YY1AP1: variants seen among roughly 807,000 people sequenced by gnomAD.
YY1AP1 encodes YY1 associated protein 1.
YY1AP1 carries 43 observed loss-of-function variants against 39.9 expected under a neutral mutation model. That is an observed-to-expected ratio of 1.08 (90% CI 0.84 to 1.39). The LOEUF (loss-of-function observed/expected upper bound fraction) is 1.39, where lower values mean the gene tolerates loss of function less well. YY1AP1 is among the 40% of genes most tolerant of loss of function. The pLI, the probability that YY1AP1 is intolerant of heterozygous loss-of-function variation, is 0.00. For missense variants in YY1AP1, 813 were observed against 900.7 expected (o/e 0.90, Z 1.25); for synonymous variants, 292 against 331.3 (o/e 0.88, Z 1.29).
intron 1 of YY1AP1, 171 bp from the exon 2 acceptor site, chr1:155,688,372 G>T: frequency 6.5e-7 from 1 of 1,543,336 alleles, no homozygotes; most frequent in Non-Finnish European, 8.8e-7. Flanking sequence ...CCAGAGGGAG[G>T]GAGCTAAGGG....
At chr1:155,688,303 C>T (rs767191256) in intron 1 of YY1AP1, 102 bp from the exon 2 acceptor site, 27 of 1,566,314 alleles carry the variant, frequency 1.7e-5, no homozygotes, top group Non-Finnish European at 2.2e-5. Context: ...TTTCCCCTCG[C>T]AAAGCGAACC....
In YY1AP1 at chr1:155,688,100, C is replaced by T; in HGVS notation, c.-50G>A. 1.2e-6 allele frequency: 2 copies of T among 1,607,548 alleles called. No homozygotes were observed. Among genetic ancestry groups the T allele is most frequent in the South Asian group, 2.2e-5 (2 of 90,204 alleles). ...TCGGAGGCCGAGAGCGATGAGAGTA[C>T]AGGGAAGTGAGGAAGAGGGGGTGGC... On this transcript the variant is annotated 5_prime_UTR_variant, in exon 2 of 11. Transcript: ENST00000355499.
intron 1 of YY1AP1, chr1:155,688,436 G>A (rs111741196): frequency 3.5e-5 from 54 of 1,545,638 alleles, no homozygotes; most frequent in Admixed American, 7.9e-5. Flanking sequence ...TCTTCCCCAC[G>A]GTCCCCCGCT....
At chr1:155,671,880 G>A (rs1237712288) in intron 7 of YY1AP1, among the ~76,000 whole-genome samples, 1 of 152,088 alleles carries the variant, frequency 6.6e-6, no homozygotes, top group Non-Finnish European at 1.5e-5. Context: ...ATAAGACTTA[G>A]GGATTTAAAA....
rs1647691539 is a variant in YY1AP1 at position 155,659,481 on chromosome 1, A to G, written c.*176T>C. The G allele has an allele frequency of 1.5e-6, 1 of 659,052 alleles. No homozygotes were observed. Among genetic ancestry groups the G allele is most frequent in the Non-Finnish European group, 2.7e-6 (1 of 375,308 alleles). The allele number at this position is 659,052 out of a possible 1,614,324, so 40.8% of individuals were successfully genotyped here. A position where few individuals can be genotyped will look rare whatever the true frequency, so the allele number is the denominator to read the frequency against. ...AAGCAATAAAAGCACAGATTTATTG[A>G]AGCAAAAGTATATTCCACAGAGTGG... is the stretch of plus-strand genomic sequence containing the variant. On this transcript the variant is annotated 3_prime_UTR_variant, in exon 11 of 11. Transcript: ENST00000355499.
chr1:155,671,791 T>C (rs1010129880), intron 7 of YY1AP1, among the ~76,000 whole-genome samples: 2 of 152,234 alleles, frequency 1.3e-5, no homozygotes, highest in Admixed American at 6.5e-5. Context: ...TACCATTTCA[T>C]ATAATATAGC....
chr1:155,683,364 T>A (rs1651784885), intron 2 of YY1AP1, among the ~76,000 whole-genome samples: 1 of 151,038 alleles, frequency 6.6e-6, no homozygotes, highest in South Asian at 2.1e-4. Context: ...AAGAGATGGG[T>A]TTGGCTAGGC....
rs963266101 is a variant in YY1AP1 at position 155,676,688 on chromosome 1, A to G, written c.184T>C (p.Phe62Leu). 1 of 1,614,136 alleles carries G rather than the reference A, an allele frequency of 6.2e-7. No homozygotes were observed. Among genetic ancestry groups the G allele is most frequent in the East Asian group, 2.2e-5 (1 of 44,880 alleles). The change falls in exon 5 of 11, where the codon TTT becomes CTT. Residue 62 changes from phenylalanine to leucine, a missense_variant. Phe to Leu is a conservative substitution (Grantham distance 22, BLOSUM62 0). Around this residue, in one of 3 missense-constraint regions of YY1AP1, gnomAD observed 196 missense variants for 189.7 expected, o/e 1.03. Transcript: ENST00000355499. ...NEQHQIAKEL[F>L]EQLKMKKPSA... ...GGTTTCTTCATCTTCAGCTGTTCAA[A>G]TAGTTCCTTCGCTATCTGATGTTGT...
intron 9 of YY1AP1, 79 bp from the exon 10 acceptor site, chr1:155,661,502 G>A: frequency 1.3e-6 from 2 of 1,591,184 alleles, no homozygotes; most frequent in Non-Finnish European, 1.7e-6. Flanking sequence ...ATGGGGTGGT[G>A]GTGGATCAAG....
chr1:155,670,141 C>G (rs933182271), intron 8 of YY1AP1, among the ~76,000 whole-genome samples, 179 bp downstream of exon 8: 1 of 152,126 alleles, frequency 6.6e-6, no homozygotes, highest in Non-Finnish European at 1.5e-5. Context: ...TGTGTAACAT[C>G]CCCCCAAAAA....
intron 1 of YY1AP1, 43 bp downstream of exon 1, chr1:155,688,616 C>G: frequency 1.3e-6 from 2 of 1,535,072 alleles, no homozygotes; most frequent in Non-Finnish European, 1.7e-6. Context: ...CACTCCCCCT[C>G]AGACCCTGTC....
chr1:155,659,812 A>G lies in YY1AP1; in HGVS notation c.2098T>C (p.Trp700Arg). The G allele has an allele frequency of 6.2e-7, 1 of 1,614,234 alleles. No individual in the cohort carries two copies. Among genetic ancestry groups the G allele is most frequent in the East Asian group, 2.2e-5 (1 of 44,890 alleles). Reference protein sequence around the residue: ...EGLSENSAYRWTVVKTEEGRQ... With the variant: ...EGLSENSAYRRTVVKTEEGRQ... ...CCCTCCTCTGTTTTCACAACGGTCC[A>G]GCGATAGGCACTGTTCTCTGACAAT... is the stretch of plus-strand genomic sequence containing the variant. Residue 700 changes from tryptophan to arginine, a missense_variant, in exon 11 of 11, where the codon TGG becomes CGG. By Grantham distance (101) the Trp-to-Arg change is moderately radical. Around this residue, in one of 3 missense-constraint regions of YY1AP1, gnomAD observed 586 missense variants for 647.4 expected, o/e 0.91. Transcript: ENST00000355499.
rs1648078055 is a variant in YY1AP1, at chr1:155,661,345, T to C, written c.958A>G (p.Ile320Val). ...EIQPHQWKPP[I>V]EREEHRLPFW... The stretch of plus-strand genomic sequence containing the variant: ...GGGAGCCGGTGTTCTTCTCTCTCTA[T>C]AGGTGGCTTCCACTGATGTGGCTGG... Residue 320 changes from isoleucine to valine, a missense_variant, in exon 10 of 11, where the codon ATA (isoleucine) becomes GTA (valine). By Grantham distance (29) the Ile-to-Val change is conservative. Transcript: ENST00000355499. 6.2e-6 allele frequency: 10 copies of C among 1,613,862 alleles called. No homozygotes were observed. Among genetic ancestry groups the C allele is most frequent in the Non-Finnish European group, 8.5e-6 (10 of 1,179,802 alleles).
chr1:155,673,888 G>A (rs945083122), intron 6 of YY1AP1, among the ~76,000 whole-genome samples: 4 of 151,990 alleles, frequency 2.6e-5, no homozygotes, highest in Admixed American at 1.3e-4. Flanking sequence ...TAGGCCGGGC[G>A]CGGTGGCTCA....
At chr1:155,662,169 A>T (rs1648267074) in intron 9 of YY1AP1, among the ~76,000 whole-genome samples, 1 of 152,074 alleles carries the variant, frequency 6.6e-6, no homozygotes. Context: ...AGGGAAGGAA[A>T]AAAAAAAAGA....
rs141633984 is a variant in YY1AP1 at position 155,682,994 on chromosome 1, G to A, written c.-20-2538C>T. On this transcript the variant is annotated intron_variant, in intron 2 of 10. Transcript: ENST00000355499. ...CCAGCTACTTGGGAGGCTGAGGCAG[G>A]AGAATCGCTTGAACCCGGGAGTCGG... Among the ~76,000 whole-genome samples the A allele has an allele frequency of 6.6e-3, 1,004 of 151,986 alleles. 10 individuals carry two copies. The highest frequency in any genetic ancestry group is 0.023 in the African/African-American group (954 of 41,456).
In YY1AP1 at chr1:155,661,443, G is replaced by A. The variant is rs200641267; in HGVS notation, c.880-20C>T. On this transcript the variant is annotated intron_variant, in intron 9 of 10. Transcript: ENST00000355499. ...ATAAAACTTAACATGAAAAAAATGC[G>A]CATGAATTACATTCCTTCTGGAAAC... is the stretch of plus-strand genomic sequence containing the variant. 2.2e-5 allele frequency: 35 copies of A among 1,613,292 alleles called. No individual in the cohort carries two copies. Among genetic ancestry groups the A allele is most frequent in the South Asian group, 9.9e-5 (9 of 91,062 alleles).
intron 9 of YY1AP1, among the ~76,000 whole-genome samples, chr1:155,665,663 C>G (rs186055058): frequency 6.6e-6 from 1 of 151,000 alleles, no homozygotes; most frequent in African/African-American, 2.4e-5. Context: ...CTGTAATCCC[C>G]GCACTCTGGG....
At chr1:155,660,961 A>G (rs3738590) in intron 10 of YY1AP1, 48 bp from the exon 11 acceptor site, 448,602 of 1,612,440 alleles carry the variant, frequency 0.28, 68,488 homozygotes, top group East Asian at 0.72. Flanking sequence ...AGAATTTGGG[A>G]AAAAGAATAG....
Sources: allele counts gnomAD v4.1 joint callset (sites outside exome capture counted in the v4.1 genomes callset), GRCh38; gene constraint gnomAD v4.1.1; regional missense constraint gnomAD v4.1.1; transcripts MANE v1.5; gene names NCBI Gene and HGNC (gene_info 2026-07-23, HGNC 2026-07-21).